The following LYPD6B variants were observed in gnomAD, a reference collection of about 807,000 sequenced individuals.
LYPD6B encodes ly6/PLAUR domain-containing protein 6B.
Under a neutral mutation model 22.8 loss-of-function variants are expected in LYPD6B, and 17 were observed. The observed-to-expected ratio is 0.75, with a 90% confidence interval of 0.51 to 1.12. The LOEUF (loss-of-function observed/expected upper bound fraction) is 1.12, where lower values mean the gene tolerates loss of function less well. LYPD6B is among the 50% of genes most tolerant of loss of function. LYPD6B has a pLI of 0.00. For missense variants in LYPD6B, 221 were observed against 258.3 expected, an observed-to-expected ratio of 0.86 and a Z score of 0.99; for synonymous variants, 106 against 91.6, an observed-to-expected ratio of 1.16 and a Z score of -0.90.
intron 3 of LYPD6B, among the ~76,000 whole-genome samples, chr2:149,182,401 A>C (rs1226678184): frequency 2.6e-5 from 4 of 152,236 alleles, no homozygotes; most frequent in Admixed American, 2.6e-4. Flanking sequence ...GATTTCTGAT[A>C]TCCTCCAACA....
intron 1 of LYPD6B, among the ~76,000 whole-genome samples, chr2:149,072,482 TTTTTATTTTATTTTATTTTA>T (rs59980462): frequency 2.2e-4 from 28 of 129,922 alleles, no homozygotes; most frequent in East Asian, 1.1e-3. Context: ...AGGGTGGTTA[TTTTTATTTTATTTTATTTTA>T]TTTTATTTTA....
intron 1 of LYPD6B, among the ~76,000 whole-genome samples, chr2:149,123,601 C>T (rs1354620012): frequency 3.9e-5 from 6 of 152,120 alleles, no homozygotes; most frequent in Non-Finnish European, 5.9e-5. Flanking sequence ...ATGCTGTACA[C>T]GCCTGTGATC....
chr2:149,046,623 TA>T (rs1331473686), intron 1 of LYPD6B, among the ~76,000 whole-genome samples: 1 of 152,030 alleles, frequency 6.6e-6, no homozygotes, highest in Non-Finnish European at 1.5e-5. Flanking sequence ...AGCATTTTTT[TA>T]TATTTTCCTT....
chr2:149,212,951 A>C, intron 5 of LYPD6B, 41 bp from the exon 6 acceptor site: 1 of 1,596,852 alleles, frequency 6.3e-7, no homozygotes, highest in Non-Finnish European at 8.5e-7. Flanking sequence ...TATTGAAATT[A>C]CCTTGTTTCT....
At chr2:149,211,645 A>G (rs1693859022) in intron 5 of LYPD6B, among the ~76,000 whole-genome samples, 1 of 152,190 alleles carries the variant, frequency 6.6e-6, no homozygotes, top group Non-Finnish European at 1.5e-5. Flanking sequence ...AACCAAAAAA[A>G]AAAAAATGAG....
intron 1 of LYPD6B, among the ~76,000 whole-genome samples, chr2:149,073,424 C>G (rs1252230964): frequency 1.3e-5 from 2 of 152,120 alleles, no homozygotes; most frequent in African/African-American, 2.4e-5. Flanking sequence ...TGAGTTTCTT[C>G]TTTGATTTCC....
chr2:149,062,053 C>T (rs2105324527), intron 1 of LYPD6B, among the ~76,000 whole-genome samples: 1 of 151,744 alleles, frequency 6.6e-6, no homozygotes, highest in Middle Eastern at 3.4e-3. Flanking sequence ...TCTGCGCCAT[C>T]TCAGCTCACC....
intron 1 of LYPD6B, among the ~76,000 whole-genome samples, chr2:149,046,075 A>T (rs1291911905): frequency 6.6e-6 from 1 of 152,170 alleles, no homozygotes; most frequent in East Asian, 1.9e-4. Flanking sequence ...TATGTTGTTA[A>T]GTGCATACAC....
intron 3 of LYPD6B, among the ~76,000 whole-genome samples, chr2:149,192,938 TG>T (rs1047705394): frequency 6.6e-6 from 1 of 151,942 alleles, no homozygotes; most frequent in Non-Finnish European, 1.5e-5. Context: ...GAGTGTTAAG[TG>T]GGGGAGTGAT....
intron 1 of LYPD6B, among the ~76,000 whole-genome samples, chr2:149,084,932 G>A (rs1427363820): frequency 2.0e-5 from 3 of 152,136 alleles, no homozygotes; most frequent in African/African-American, 7.2e-5. Flanking sequence ...TTAGTGACTG[G>A]GAAAGAGTAG....
At chr2:149,201,943 C>T (rs372469455) in intron 3 of LYPD6B, among the ~76,000 whole-genome samples, 2 of 152,238 alleles carry the variant, frequency 1.3e-5, no homozygotes, top group East Asian at 1.9e-4. Context: ...TGCTAAACCA[C>T]GGTTTCCTCA....
intron 3 of LYPD6B, among the ~76,000 whole-genome samples, chr2:149,174,940 T>C (rs529280607): frequency 2.0e-5 from 3 of 151,368 alleles, no homozygotes; most frequent in African/African-American, 7.3e-5. Context: ...GAACCTAAGA[T>C]AAGAGTTGGA....
chr2:149,132,780 G>A lies in LYPD6B; in HGVS notation c.5+1827G>A, dbSNP rs551179171. 3.3e-5 allele frequency among the ~76,000 whole-genome samples: 5 copies of A among 152,286 alleles called. No individual in the cohort carries two copies. In the East Asian group the frequency reaches 5.8e-4, roughly 18 times the overall value. On this transcript the variant is annotated intron_variant, in intron 2 of 6. Transcript: ENST00000409642. The stretch of plus-strand genomic sequence containing the variant: ...TCATTGCTGCTTGGCAGGCAGTTTA[G>A]TAGAACACTTTGGTAGCAAGCACCA...
intron 1 of LYPD6B, among the ~76,000 whole-genome samples, chr2:149,126,706 C>T (rs1285948103): frequency 6.6e-6 from 1 of 152,062 alleles, no homozygotes; most frequent in East Asian, 1.9e-4. Context: ...ATTTCTTCTG[C>T]CTGGGATATA....
At chr2:149,126,416 A>G (rs879942358) in intron 1 of LYPD6B, among the ~76,000 whole-genome samples, 1 of 152,208 alleles carries the variant, frequency 6.6e-6, no homozygotes, top group Non-Finnish European at 1.5e-5. Flanking sequence ...TGTATGTTAT[A>G]TGTATTATAT....
chr2:149,130,977 A>G, intron 2 of LYPD6B, 24 bp downstream of exon 2: 1 of 1,549,344 alleles, frequency 6.5e-7, no homozygotes, highest in Non-Finnish European at 8.9e-7. Flanking sequence ...TCACAAGTGG[A>G]TGTAGAGAAG....
intron 3 of LYPD6B, among the ~76,000 whole-genome samples, chr2:149,194,748 T>G (rs535170841): frequency 1.7e-3 from 263 of 152,306 alleles, no homozygotes; most frequent in African/African-American, 5.9e-3. Context: ...AAGGGAACTA[T>G]GTGAGCATTC....
chr2:149,050,736 G>A (rs1201498077), intron 1 of LYPD6B, among the ~76,000 whole-genome samples: 1 of 152,198 alleles, frequency 6.6e-6, no homozygotes, highest in African/African-American at 2.4e-5. Flanking sequence ...GGAAGAGCCA[G>A]TAGGTCAAAC....
chr2:149,195,404 C>T (rs781063066), intron 3 of LYPD6B, among the ~76,000 whole-genome samples: 4 of 152,106 alleles, frequency 2.6e-5, no homozygotes, highest in Non-Finnish European at 5.9e-5. Context: ...AACAATGATA[C>T]GAATGAAAGC....
Sources: gnomAD v4.1 joint callset for allele counts (sites outside exome capture counted in the v4.1 genomes callset) on GRCh38, gnomAD v4.1.1 for gene constraint, MANE v1.5 for transcripts, NCBI Gene and HGNC (gene_info 2026-07-23, HGNC 2026-07-21) for gene names.